Variants in RNF170 observed in about 807,000 individuals in gnomAD.
RNF170 encodes the protein ring finger protein 170.
RNF170 carries 12 observed loss-of-function variants against 32.7 expected under a neutral mutation model. The ratio of observed to expected loss-of-function variants is 0.37; its 90% CI spans 0.24 to 0.60. The LOEUF is 0.60. RNF170 is among the 20% of genes least tolerant of loss of function. The pLI is 0.72. For synonymous variants in RNF170, 91 were observed against 103.6 expected (o/e 0.88, Z 0.74); for missense variants, 212 against 311.2 (o/e 0.68, Z 2.40).
intron 1 of RNF170, among the ~76,000 whole-genome samples, chr8:42,895,333 C>G (rs546300501): frequency 3.3e-5 from 5 of 152,110 alleles, no homozygotes; most frequent in African/African-American, 1.2e-4. Flanking sequence ...ACAAAAAACC[C>G]CACTCAATGC....
chr8:42,870,442 C>T (rs956002755), intron 3 of RNF170, among the ~76,000 whole-genome samples: 6 of 152,076 alleles, frequency 3.9e-5, no homozygotes, highest in East Asian at 1.9e-4. Flanking sequence ...TAATAAATGT[C>T]GAGGTCAGGT....
chr8:42,878,571 T>C (rs747816992), intron 2 of RNF170, among the ~76,000 whole-genome samples: 6 of 152,152 alleles, frequency 3.9e-5, no homozygotes, highest in Admixed American at 3.3e-4. Flanking sequence ...AGAAGAAAAG[T>C]TGAAAGCTAG....
chr8:42,859,174 AAC>A (rs1803471855), intron 6 of RNF170, among the ~76,000 whole-genome samples: 1 of 152,014 alleles, frequency 6.6e-6, no homozygotes, highest in African/African-American at 2.4e-5. Context: ...AAAACAAACA[AAC>A]AAAATAGAAG....
intron 6 of RNF170, 98 bp downstream of exon 6, chr8:42,861,647 T>G (rs778399931): frequency 5.8e-6 from 6 of 1,032,620 alleles, no homozygotes; most frequent in Non-Finnish European, 7.4e-6. Flanking sequence ...CTGGCCAAGA[T>G]TTCTCATAGT....
chr8:42,876,786 A>G (rs1200844827), intron 2 of RNF170, among the ~76,000 whole-genome samples: 4 of 151,144 alleles, frequency 2.6e-5, no homozygotes, highest in Non-Finnish European at 4.4e-5. Flanking sequence ...CAGCCTCCCA[A>G]GTAGCTGGGA....
intron 2 of RNF170, among the ~76,000 whole-genome samples, chr8:42,880,139 G>A (rs544848493): frequency 9.2e-5 from 14 of 152,312 alleles, no homozygotes; most frequent in Admixed American, 1.3e-4. Flanking sequence ...AATTAGAAGC[G>A]GAGGCCGAAG....
rs1399787111 is a variant in RNF170, at chr8:42,870,131, C to T, written c.214-19G>A. ...GTGCATCCTAATAAGAACACAGGTG[C>T]ACACATTGGAACACAACACATGTGG... On this transcript the variant is annotated intron_variant, in intron 3 of 6. Transcript: ENST00000527424. The T allele has an allele frequency of 2.6e-6, 4 of 1,558,428 alleles. No individual in the cohort carries two copies. The South Asian group carries it at 3.3e-5, about 13-fold the overall frequency.
At chr8:42,864,586 ACATTT>A (rs1478857127) in intron 5 of RNF170, among the ~76,000 whole-genome samples, 1 of 152,112 alleles carries the variant, frequency 6.6e-6, no homozygotes, top group African/African-American at 2.4e-5. Context: ...ATCTGCAGTG[ACATTT>A]CAGTCTCACG....
In RNF170 at chr8:42,853,590, T is replaced by C. The variant is rs756730783; in HGVS notation, c.*2569A>G. 2 of 1,286,036 alleles carry C rather than the reference T, an allele frequency of 1.6e-6. No individual in the cohort carries two copies. The highest frequency in any genetic ancestry group is 2.0e-6 in the Non-Finnish European group (2 of 987,988). The allele number at this position is 1,286,036 out of a possible 1,614,324, so 79.7% of individuals were successfully genotyped here. ...GCTCCTGGGGTTGGACCATCTGTTTTATGACAGTTATGATATTGTTGTTTA... is the reference window on the plus strand; with the variant it reads ...GCTCCTGGGGTTGGACCATCTGTTTCATGACAGTTATGATATTGTTGTTTA... On this transcript the variant is annotated 3_prime_UTR_variant, in exon 7 of 7. Coordinates refer to ENST00000527424, the MANE Select transcript of RNF170 (RefSeq NM_030954.4).
intron 2 of RNF170, among the ~76,000 whole-genome samples, chr8:42,882,109 G>C (rs1415781233): frequency 6.6e-6 from 1 of 152,122 alleles, no homozygotes; most frequent in Non-Finnish European, 1.5e-5. Flanking sequence ...CAACAGTGTT[G>C]GCAAGGAAGT....
At chr8:42,878,040 GCAATCAATCAATCAAT>G (rs59449693) in intron 2 of RNF170, among the ~76,000 whole-genome samples, 1 of 151,400 alleles carries the variant, frequency 6.6e-6, no homozygotes. Flanking sequence ...GGTTATACTT[GCAATCAATCAATCAAT>G]CAATCAATCA....
chr8:42,877,508 T>A (rs1034450655), intron 2 of RNF170, among the ~76,000 whole-genome samples: 1 of 152,200 alleles, frequency 6.6e-6, no homozygotes, highest in African/African-American at 2.4e-5. Context: ...CAAGCCAAAC[T>A]GATTGAGACA....
Position 42,870,128 on chromosome 8 carries a change from G to A in RNF170, c.214-16C>T, listed in dbSNP as rs764569773. On this transcript the variant is annotated splice_polypyrimidine_tract_variant and intron_variant, in intron 3 of 6. Transcript: ENST00000527424. ...CAGGTGCATCCTAATAAGAACACAG[G>A]TGCACACATTGGAACACAACACATG... is the stretch of plus-strand genomic sequence containing the variant. 4 of 1,568,686 alleles carry A rather than the reference G, an allele frequency of 2.5e-6. No homozygotes were observed. The highest frequency in any genetic ancestry group is 3.5e-6 in the Non-Finnish European group (4 of 1,139,158).
intron 6 of RNF170, chr8:42,861,507 A>G (rs546501187): frequency 6.6e-6 from 3 of 451,340 alleles, no homozygotes; most frequent in Non-Finnish European, 8.2e-6. Context: ...CTCTTGTCCA[A>G]TTTTTTGGTG....
chr8:42,889,237 T>G (rs1806093946), intron 1 of RNF170: 1 of 152,198 alleles, frequency 6.6e-6, no homozygotes. Flanking sequence ...CATTTCCTTA[T>G]GAAGAGAAAA....
intron 1 of RNF170, among the ~76,000 whole-genome samples, chr8:42,888,673 G>A (rs1232739420): frequency 6.6e-6 from 1 of 151,994 alleles, no homozygotes; most frequent in Admixed American, 6.6e-5. Context: ...CAGGAGAATC[G>A]CTTGAACCTG....
intron 1 of RNF170, among the ~76,000 whole-genome samples, chr8:42,892,547 C>T (rs757912329): frequency 3.3e-5 from 5 of 152,154 alleles, no homozygotes; most frequent in Non-Finnish European, 7.4e-5. Context: ...AGATACTGTG[C>T]TCAATTGCTT....
At chr8:42,863,185 T>C (rs570924191) in intron 5 of RNF170, among the ~76,000 whole-genome samples, 2 of 152,306 alleles carry the variant, frequency 1.3e-5, no homozygotes, top group East Asian at 1.9e-4. Flanking sequence ...CAGGATGAAT[T>C]ACTCTTATCT....
downstream of RNF170, chr8:42,850,871 C>T (rs73634689): frequency 3.0e-3 from 4,695 of 1,551,614 alleles, 52 homozygotes; most frequent in African/African-American, 0.032. Context: ...AGCATTCGGT[C>T]ATGGGGTATA....
Sources: gnomAD v4.1 joint callset for allele counts (sites outside exome capture counted in the v4.1 genomes callset) on GRCh38, gnomAD v4.1.1 for gene constraint, MANE v1.5 for transcripts, NCBI Gene and HGNC (gene_info 2026-07-23, HGNC 2026-07-21) for gene names.